The following OPCML variants were observed in gnomAD, a reference collection of about 807,000 sequenced individuals.
The protein encoded by OPCML is opioid-binding protein/cell adhesion molecule.
In OPCML, 13 loss-of-function variants were observed where a neutral mutation model predicts 37.8. The ratio of observed to expected loss-of-function variants is 0.34; its 90% CI spans 0.22 to 0.55. OPCML has a LOEUF of 0.55. OPCML is among the 20% of genes least tolerant of loss of function. The pLI, the probability that OPCML is intolerant of heterozygous loss-of-function variation, is 0.91. For missense variants in OPCML, 341 were observed against 435.6 expected (o/e 0.78, Z 1.93); for synonymous variants, 176 against 168.8 (o/e 1.04, Z -0.33).
intron 2 of OPCML, among the ~76,000 whole-genome samples, chr11:132,688,588 G>T (rs1024984062): frequency 6.6e-6 from 1 of 152,074 alleles, no homozygotes; most frequent in African/African-American, 2.4e-5. Flanking sequence ...AATAATGATG[G>T]TATCACTGTT....
intron 1 of OPCML, among the ~76,000 whole-genome samples, chr11:133,115,220 C>G (rs1267495249): frequency 6.6e-6 from 1 of 152,184 alleles, no homozygotes; most frequent in African/African-American, 2.4e-5. Context: ...AGGGAATTTA[C>G]CACCTTGGTC....
intron 2 of OPCML, among the ~76,000 whole-genome samples, chr11:132,748,153 C>G (rs1212606936): frequency 6.7e-6 from 1 of 150,084 alleles, no homozygotes; most frequent in Non-Finnish European, 1.5e-5. Context: ...GTTATCATAA[C>G]AGATTGGTTT....
intron 1 of OPCML, among the ~76,000 whole-genome samples, chr11:132,973,881 AC>A (rs1312384056): frequency 6.8e-6 from 1 of 147,340 alleles, no homozygotes; most frequent in African/African-American, 2.7e-5. Flanking sequence ...GGCCTAGCCT[AC>A]CCCTTACCAA....
At chr11:132,743,476 A>T (rs980591115) in intron 2 of OPCML, among the ~76,000 whole-genome samples, 5 of 152,196 alleles carry the variant, frequency 3.3e-5, no homozygotes, top group Non-Finnish European at 4.4e-5. Flanking sequence ...AGAGCAGAAG[A>T]TCTTTTTGCC....
chr11:133,139,414 C>T (rs187194000), intron 1 of OPCML, among the ~76,000 whole-genome samples: 30 of 152,268 alleles, frequency 2.0e-4, no homozygotes, highest in Admixed American at 4.6e-4. Flanking sequence ...GTGAAAAAAC[C>T]GAGACTCAGA....
intron 1 of OPCML, among the ~76,000 whole-genome samples, chr11:133,264,794 A>G (rs373404901): frequency 6.6e-6 from 1 of 152,150 alleles, no homozygotes; most frequent in Non-Finnish European, 1.5e-5. Flanking sequence ...GTGGTTATAC[A>G]TCTGTCATCA....
At chr11:132,583,889 C>T (rs992694756) in intron 3 of OPCML, among the ~76,000 whole-genome samples, 1 of 152,110 alleles carries the variant, frequency 6.6e-6, no homozygotes, top group Non-Finnish European at 1.5e-5. Flanking sequence ...GCTGGGATTA[C>T]AGGCATGAAC....
intron 1 of OPCML, among the ~76,000 whole-genome samples, chr11:133,517,623 C>G (rs1307734733): frequency 6.6e-6 from 1 of 152,214 alleles, no homozygotes. Flanking sequence ...TGAGAGGCAT[C>G]ATCTCAGGGG....
At position 132,438,234 on chromosome 11, in the gene OPCML, A is replaced by G. The variant is rs182315559; in HGVS notation, c.506-875T>C. Among the ~76,000 whole-genome samples, 126 of 152,344 alleles carry G rather than the reference A, an allele frequency of 8.3e-4. 1 individual carries two copies. The highest frequency in any genetic ancestry group is 6.1e-3 in the Admixed American group (94 of 15,302). ...CTCCCTGTGGTTCAGTGCAAAGACA[A>G]CAGACCCTCTGTCTTCCATCACAAA... On this transcript the variant is annotated intron_variant, in intron 4 of 7. Coordinates refer to ENST00000524381, the MANE Select transcript of OPCML (RefSeq NM_001012393.5).
At chr11:132,722,392 G>A (rs1944707123) in intron 2 of OPCML, among the ~76,000 whole-genome samples, 1 of 151,982 alleles carries the variant, frequency 6.6e-6, no homozygotes, top group Non-Finnish European at 1.5e-5. Context: ...ATCTAAAATG[G>A]TTGATTCTTC....
chr11:133,423,248 CCTTATT>C, intron 1 of OPCML: 1 of 985,376 alleles, frequency 1.0e-6, no homozygotes, highest in Non-Finnish European at 1.2e-6. Context: ...AGTTTTTCTA[CCTTATT>C]CTTGTCTTCA....
chr11:133,208,765 C>T lies in OPCML; in HGVS notation c.62-265755G>A, dbSNP rs1167114053. On this transcript the variant is annotated intron_variant, in intron 1 of 7. Transcript: ENST00000524381. The surrounding 1 kb of genome is among the most constrained non-coding windows in gnomAD (Gnocchi z 8.9). The stretch of plus-strand genomic sequence containing the variant: ...GCACACGTTATCTAAAGCAATGGCC[C>T]TTCTCTAGGACCAAAGGGATACACC... Among the ~76,000 whole-genome samples the T allele has an allele frequency of 2.0e-5, 3 of 152,134 alleles. No individual in the cohort carries two copies.
At chr11:133,200,323 A>T (rs1029913468) in intron 1 of OPCML, among the ~76,000 whole-genome samples, 2 of 152,086 alleles carry the variant, frequency 1.3e-5, no homozygotes, top group African/African-American at 4.8e-5. Flanking sequence ...AGAGTGGTTT[A>T]TTTGGGGGCA....
intron 1 of OPCML, among the ~76,000 whole-genome samples, chr11:133,519,157 T>C (rs758039522): frequency 1.4e-4 from 21 of 152,148 alleles, no homozygotes; most frequent in South Asian, 6.2e-4. Context: ...GGCTTCACCT[T>C]TGCCCTTCCT....
At chr11:132,937,702 T>G (rs1945438935) in intron 2 of OPCML, among the ~76,000 whole-genome samples, 1 of 151,524 alleles carries the variant, frequency 6.6e-6, no homozygotes. Flanking sequence ...CAAGCCAGCC[T>G]TGCTCTCCCA....
chr11:132,540,482 T>G (rs2096353526), intron 3 of OPCML, among the ~76,000 whole-genome samples: 1 of 152,150 alleles, frequency 6.6e-6, no homozygotes. Flanking sequence ...TTGTGTGAAG[T>G]CACATCCAAT....
chr11:132,693,921 C>G (rs901183968), intron 2 of OPCML, among the ~76,000 whole-genome samples: 1 of 152,016 alleles, frequency 6.6e-6, no homozygotes, highest in African/African-American at 2.4e-5. Context: ...AGTTATGTGA[C>G]CCAGTAATAA....
chr11:132,887,508 G>A (rs1943469886), intron 2 of OPCML, among the ~76,000 whole-genome samples: 1 of 152,172 alleles, frequency 6.6e-6, no homozygotes, highest in African/African-American at 2.4e-5. Flanking sequence ...GCCTGACCGA[G>A]TACAATGAAC....
chr11:132,592,533 T>A (rs1276794462), intron 3 of OPCML, among the ~76,000 whole-genome samples: 1 of 152,218 alleles, frequency 6.6e-6, no homozygotes, highest in Non-Finnish European at 1.5e-5. Flanking sequence ...AGCTGTCTGA[T>A]GTATATAAAC....
Sources: allele counts gnomAD v4.1 joint callset (sites outside exome capture counted in the v4.1 genomes callset), GRCh38; gene constraint gnomAD v4.1.1; non-coding constraint Gnocchi (gnomAD v3.1); transcripts MANE v1.5; gene names NCBI Gene and HGNC (gene_info 2026-07-23, HGNC 2026-07-21).